Variants in STT3B observed in about 807,000 individuals in gnomAD.
The protein encoded by STT3B is STT3 oligosaccharyltransferase complex catalytic subunit B.
Under a neutral mutation model 96.8 loss-of-function variants are expected in STT3B, and 29 were observed. That is an observed-to-expected ratio of 0.30 (90% CI 0.22 to 0.41). STT3B has a LOEUF of 0.41. STT3B is among the 10% of genes least tolerant of loss of function. STT3B has a pLI of 1.00. For synonymous variants in STT3B, 367 were observed against 360.0 expected (o/e 1.02, Z -0.22); for missense variants, 640 against 1,022.3 (o/e 0.63, Z 5.10).
At position 31,626,144 on chromosome 3, in the gene STT3B, T is replaced by G; in HGVS notation, c.2073+17T>G. ...GACATTCGGGTAAGAAACTAGATAA[T>G]TCCAGGTATGTGAAAGATAGCTCAC... On this transcript the variant is annotated intron_variant, in intron 13 of 15. Coordinates refer to ENST00000295770, the MANE Select transcript of STT3B (RefSeq NM_178862.3). 6.2e-7 allele frequency: 1 copy of G among 1,606,712 alleles called. No individual in the cohort carries two copies.
intron 13 of STT3B, among the ~76,000 whole-genome samples, chr3:31,629,047 A>C (rs889987555): frequency 2.6e-5 from 4 of 152,188 alleles, no homozygotes; most frequent in African/African-American, 7.2e-5. Flanking sequence ...TTGAGGCTGC[A>C]GTGAGCCACA....
chr3:31,572,997 T>C (rs190667970), intron 1 of STT3B, among the ~76,000 whole-genome samples: 2 of 152,222 alleles, frequency 1.3e-5, no homozygotes, highest in Admixed American at 1.3e-4. Flanking sequence ...GATGGAAAAA[T>C]GACAGAATCT....
Position 31,532,973 on chromosome 3 carries a change from AG to A in STT3B, c.-25del, listed in dbSNP as rs777411620. On this transcript the variant is annotated 5_prime_UTR_variant, in exon 1 of 16. Coordinates refer to ENST00000295770, the MANE Select transcript of STT3B (RefSeq NM_178862.3). ...CCAGGCGGCGGCGGCGGAGGAGGAG[AG>A]CTAGACCCGCCGCCGGGGCACAACA... The A allele has an allele frequency of 3.8e-6, 6 of 1,574,102 alleles. No homozygotes were observed. In the Admixed American group the frequency reaches 1.1e-4, roughly 28 times the overall value.
chr3:31,596,886 A>G lies in STT3B; in HGVS notation c.777+23A>G, dbSNP rs769543851. 4.5e-6 allele frequency: 7 copies of G among 1,559,918 alleles called. No homozygotes were observed. The South Asian group carries it at 7.8e-5, about 17-fold the overall frequency. Reference sequence around the variant, plus strand: ...ATGGTAAGATTTCATATTTGAGACTACATGAAGTCTAGTAGGTCTCTGGAG... The same window carrying G: ...ATGGTAAGATTTCATATTTGAGACTGCATGAAGTCTAGTAGGTCTCTGGAG... On this transcript the variant is annotated intron_variant, in intron 4 of 15. Coordinates refer to ENST00000295770, the MANE Select transcript of STT3B (RefSeq NM_178862.3).
At chr3:31,556,652 G>A (rs1449853500) in intron 1 of STT3B, among the ~76,000 whole-genome samples, 1 of 152,100 alleles carries the variant, frequency 6.6e-6, no homozygotes, top group East Asian at 1.9e-4. Flanking sequence ...GATTAGTGAC[G>A]TTGAACATTT....
intron 5 of STT3B, among the ~76,000 whole-genome samples, chr3:31,613,722 A>G (rs966300843): frequency 6.6e-6 from 1 of 151,774 alleles, no homozygotes; most frequent in Admixed American, 6.6e-5. Context: ...CAGGGCTTCA[A>G]CAGGCTGATT....
intron 1 of STT3B, among the ~76,000 whole-genome samples, chr3:31,554,540 C>A (rs560606947): frequency 6.6e-6 from 1 of 151,600 alleles, no homozygotes; most frequent in Non-Finnish European, 1.5e-5. Flanking sequence ...TTCCCAAAAC[C>A]GCGTCAGCAG....
chr3:31,541,735 C>A (rs1401130227), intron 1 of STT3B, among the ~76,000 whole-genome samples: 5 of 152,026 alleles, frequency 3.3e-5, no homozygotes, highest in Admixed American at 2.6e-4. Context: ...CGCGACCATG[C>A]CCGGCTAATT....
chr3:31,628,480 G>T (rs746615849), intron 13 of STT3B, among the ~76,000 whole-genome samples: 2 of 151,994 alleles, frequency 1.3e-5, no homozygotes, highest in African/African-American at 2.4e-5. Context: ...ATAAACAATG[G>T]CATAATAACT....
At chr3:31,619,593 A>G in intron 8 of STT3B, 83 bp from the exon 9 acceptor site, 1 of 1,210,386 alleles carries the variant, frequency 8.3e-7, no homozygotes, top group South Asian at 1.4e-5. Context: ...TACCATTTCT[A>G]CAACCAAACA....
At chr3:31,595,403 AGGT>A (rs941014101) in intron 3 of STT3B, among the ~76,000 whole-genome samples, 2 of 152,180 alleles carry the variant, frequency 1.3e-5, no homozygotes, top group African/African-American at 4.8e-5. Context: ...CTGTTTTGGC[AGGT>A]GGTGTTGTTT....
intron 13 of STT3B, 68 bp from the exon 14 acceptor site, chr3:31,629,230 A>G: frequency 1.1e-6 from 1 of 878,434 alleles, no homozygotes; most frequent in South Asian, 1.5e-5. Context: ...GGGAAATGAA[A>G]AGAGGAAACT....
chr3:31,584,550 A>G (rs569287400), intron 3 of STT3B, among the ~76,000 whole-genome samples: 1 of 152,168 alleles, frequency 6.6e-6, no homozygotes, highest in African/African-American at 2.4e-5. Flanking sequence ...TGTTGATTAC[A>G]CAAGGTTATA....
At chr3:31,611,678 G>T (rs375993463) in intron 5 of STT3B, among the ~76,000 whole-genome samples, 40 of 152,098 alleles carry the variant, frequency 2.6e-4, no homozygotes, top group African/African-American at 9.4e-4. Context: ...TGTAATTTTA[G>T]TAGAGACGGG....
At chr3:31,576,655 C>T (rs551386253) in intron 2 of STT3B, 151 bp downstream of exon 2, 1 of 463,996 alleles carries the variant, frequency 2.2e-6, no homozygotes, top group African/African-American at 2.0e-5. Context: ...TTTACTTAGG[C>T]TCTTTTCTTG....
intron 3 of STT3B, among the ~76,000 whole-genome samples, chr3:31,596,184 G>A (rs373696643): frequency 6.6e-6 from 1 of 152,156 alleles, no homozygotes; most frequent in African/African-American, 2.4e-5. Flanking sequence ...GTAGTTAGTG[G>A]TTGTAAAATA....
At position 31,573,783 on chromosome 3, in the gene STT3B, G is replaced by A. The variant is rs1575421272; in HGVS notation, c.315-2613G>A. ...TAGGGAGATGATATTAGTGAATTGTGGGCATACTGGTAATAATTGAAGACT... is the reference window on the plus strand; with the variant it reads ...TAGGGAGATGATATTAGTGAATTGTAGGCATACTGGTAATAATTGAAGACT... On this transcript the variant is annotated intron_variant, in intron 1 of 15. Coordinates refer to ENST00000295770, the MANE Select transcript of STT3B (RefSeq NM_178862.3). Among the ~76,000 whole-genome samples, 3 of 152,062 alleles carry A rather than the reference G, an allele frequency of 2.0e-5. No homozygotes were observed. In the South Asian group the frequency reaches 6.2e-4, roughly 32 times the overall value.
rs1559494587 is a variant in STT3B, at chr3:31,532,962, CGGAGGA to C, written c.-32_-27del. On this transcript the variant is annotated 5_prime_UTR_variant, in exon 1 of 16. Transcript: ENST00000295770. Reference sequence around the variant, plus strand: ...CACCCCTCGCACCAGGCGGCGGCGGCGGAGGAGGAGAGCTAGACCCGCCGCCGGGGC... The same window carrying C: ...CACCCCTCGCACCAGGCGGCGGCGGCGGAGAGCTAGACCCGCCGCCGGGGC... The C allele has an allele frequency of 1.3e-6, 2 of 1,527,050 alleles. No homozygotes were observed. The highest frequency in any genetic ancestry group is 2.5e-5 in the South Asian group (2 of 81,508). 94.6% of individuals were successfully genotyped at this position (1,527,050 alleles called of 1,614,324 possible).
chr3:31,607,393 G>A (rs1699076740), intron 5 of STT3B, among the ~76,000 whole-genome samples: 1 of 152,156 alleles, frequency 6.6e-6, no homozygotes, highest in Non-Finnish European at 1.5e-5. Context: ...TGTTGTGGGA[G>A]AGACCCGGTG....
Sources: gnomAD v4.1 joint callset for allele counts (sites outside exome capture counted in the v4.1 genomes callset) on GRCh38, gnomAD v4.1.1 for gene constraint, MANE v1.5 for transcripts, NCBI Gene and HGNC (gene_info 2026-07-23, HGNC 2026-07-21) for gene names.